Variants in MYO9A observed in about 807,000 individuals in gnomAD.
MYO9A encodes myosin IXA.
In MYO9A, 103 loss-of-function variants were observed where a neutral mutation model predicts 293.3. That is an observed-to-expected ratio of 0.35 (90% CI 0.30 to 0.41). The LOEUF is 0.41. MYO9A is among the 10% of genes least tolerant of loss of function. The pLI is 1.00. For missense variants in MYO9A, 2,685 were observed against 3,033.0 expected, an observed-to-expected ratio of 0.89 and a Z score of 2.69; for synonymous variants, 1,001 against 1,035.7, an observed-to-expected ratio of 0.97 and a Z score of 0.64.
At position 71,826,734 on chromosome 15, in the gene MYO9A, C is replaced by T. The variant is rs776271388; in HGVS notation, c.7493G>A (p.Gly2498Asp). 2.5e-6 allele frequency: 4 copies of T among 1,614,054 alleles called. No individual in the cohort carries two copies. The highest frequency in any genetic ancestry group is 3.4e-6 in the Non-Finnish European group (4 of 1,179,972). Residue 2498 changes from glycine (G) to aspartate (D), a missense_variant, in exon 42 of 42, where the codon GGC becomes GAC. This residue lies in a region of MYO9A where 350 missense variants were observed against 328.9 expected (regional missense o/e 1.06). Transcript: ENST00000356056. ...TTTCACATTCTTTAATTTTTGTTTG[C>T]CCTTTTCCGGGTTGAAGGTTCCTCT... ...ISRGTFNPEKGKQKLKNVKNS... is the reference protein window; with the variant it reads ...ISRGTFNPEKDKQKLKNVKNS...
intron 40 of MYO9A, among the ~76,000 whole-genome samples, chr15:71,829,650 C>G (rs1250772438): frequency 6.6e-6 from 1 of 151,954 alleles, no homozygotes; most frequent in Admixed American, 6.6e-5. Flanking sequence ...AACCTTCCTT[C>G]ATGGATTTGT....
rs375705465 is a variant in MYO9A, at chr15:72,011,956, T to C, written c.1156-1509A>G. Among the ~76,000 whole-genome samples, 37 of 152,356 alleles carry C rather than the reference T, an allele frequency of 2.4e-4. 1 individual carries two copies. Among genetic ancestry groups the C allele is most frequent in the Admixed American group, 1.0e-3 (16 of 15,302 alleles). ...ATAGTCATTGAATTATTGAATAATA[T>C]ATAAATATTGAATTGAATGAAACAT... On this transcript the variant is annotated intron_variant, in intron 6 of 41. Transcript: ENST00000356056.
intron 1 of MYO9A, among the ~76,000 whole-genome samples, chr15:72,092,515 T>A (rs1294582168): frequency 6.6e-6 from 1 of 152,152 alleles, no homozygotes; most frequent in Admixed American, 6.5e-5. Context: ...GGTTTAAGAC[T>A]GCAGTAAGCT....
intron 39 of MYO9A, among the ~76,000 whole-genome samples, chr15:71,832,536 G>A (rs1029587855): frequency 1.3e-5 from 2 of 152,100 alleles, no homozygotes; most frequent in Non-Finnish European, 2.9e-5. Context: ...ATGGAATGCA[G>A]AAAACAATGG....
At chr15:71,988,136 T>C (rs994358743) in intron 11 of MYO9A, among the ~76,000 whole-genome samples, 3 of 152,218 alleles carry the variant, frequency 2.0e-5, no homozygotes, top group African/African-American at 7.2e-5. Flanking sequence ...TGTTTAATGA[T>C]CCACAGAGCA....
chr15:72,091,863 C>T (rs371454546), intron 1 of MYO9A, among the ~76,000 whole-genome samples: 19 of 151,984 alleles, frequency 1.3e-4, no homozygotes, highest in South Asian at 2.1e-4. Flanking sequence ...TACAGGTGCC[C>T]GCCACCACGC....
intron 6 of MYO9A, among the ~76,000 whole-genome samples, chr15:72,014,060 G>A (rs1265086376): frequency 1.3e-5 from 2 of 152,176 alleles, no homozygotes; most frequent in Non-Finnish European, 1.5e-5. Flanking sequence ...GCCTAGCTCA[G>A]CCTTGCAAAG....
chr15:71,980,707 A>T (rs2076250298), intron 11 of MYO9A, among the ~76,000 whole-genome samples: 1 of 152,070 alleles, frequency 6.6e-6, no homozygotes, highest in Non-Finnish European at 1.5e-5. Context: ...GCATGGTGGT[A>T]TGCACCTGTA....
intron 18 of MYO9A, among the ~76,000 whole-genome samples, chr15:71,928,048 ATATATATATTTTTTTTTTTTTTTTT>A (rs2058368022): frequency 9.9e-5 from 1 of 10,146 alleles, no homozygotes; most frequent in Non-Finnish European, 5.1e-4. Context: ...ATATATATAT[ATATATATATTTTTTTTTTTTTTTTT>A]TTTTTTTTTT....
intron 19 of MYO9A, among the ~76,000 whole-genome samples, chr15:71,906,181 C>T (rs2057633531): frequency 6.6e-6 from 1 of 152,082 alleles, no homozygotes; most frequent in Non-Finnish European, 1.5e-5. Flanking sequence ...ATTATAAATA[C>T]AACATTTTGT....
At chr15:71,978,058 T>A in intron 12 of MYO9A, 113 bp downstream of exon 12, 1 of 1,209,388 alleles carries the variant, frequency 8.3e-7, no homozygotes, top group Non-Finnish European at 1.2e-6. Flanking sequence ...AAAAAATAAA[T>A]TGTACAAAAA....
chr15:71,935,185 C>T (rs543462580), intron 17 of MYO9A, 156 bp downstream of exon 17: 6 of 765,134 alleles, frequency 7.8e-6, no homozygotes, highest in East Asian at 2.8e-5. Context: ...TGGCTGTAAA[C>T]GCTACCTAAA....
chr15:72,081,556 GCT>G (rs1950378654), intron 1 of MYO9A, among the ~76,000 whole-genome samples: 1 of 152,020 alleles, frequency 6.6e-6, no homozygotes, highest in African/African-American at 2.4e-5. Context: ...GTCACTCTAA[GCT>G]CTTTGTCAAT....
intron 8 of MYO9A, among the ~76,000 whole-genome samples, chr15:72,001,553 C>CAAAAAAA (rs199812533): frequency 1.1e-4 from 11 of 102,466 alleles, no homozygotes; most frequent in East Asian, 2.8e-4. Context: ...GACTCCATCT[C>CAAAAAAA]AAAAAAAAAA....
At chr15:71,978,725 A>G (rs2076202415) in intron 11 of MYO9A, among the ~76,000 whole-genome samples, 1 of 152,134 alleles carries the variant, frequency 6.6e-6, no homozygotes, top group South Asian at 2.1e-4. Context: ...ACCCTCCAGT[A>G]ATTATATGGA....
At chr15:71,891,248 G>C (rs1278927279) in intron 26 of MYO9A, 1 of 152,166 alleles carries the variant, frequency 6.6e-6, no homozygotes, top group East Asian at 1.9e-4. Flanking sequence ...TACAACTACT[G>C]GCATGCAGTG....
At chr15:71,953,996 A>C (rs1043245517) in intron 14 of MYO9A, among the ~76,000 whole-genome samples, 1 of 150,398 alleles carries the variant, frequency 6.6e-6, no homozygotes, top group African/African-American at 2.5e-5. Flanking sequence ...CCCGGGTTCA[A>C]GCGATTCTCC....
At chr15:72,014,414 G>A (rs1291038074) in intron 6 of MYO9A, among the ~76,000 whole-genome samples, 7 of 152,296 alleles carry the variant, frequency 4.6e-5, no homozygotes, top group South Asian at 2.1e-4. Flanking sequence ...GGCCAGGCAC[G>A]GTGGCTCATG....
chr15:71,910,130 G>GTA (rs1209943568), intron 19 of MYO9A, among the ~76,000 whole-genome samples: 43 of 133,326 alleles, frequency 3.2e-4, no homozygotes, highest in Admixed American at 7.1e-4. Context: ...ATATACACGT[G>GTA]TATATATATA....
Sources: allele counts gnomAD v4.1 joint callset (sites outside exome capture counted in the v4.1 genomes callset), GRCh38; gene constraint gnomAD v4.1.1; regional missense constraint gnomAD v4.1.1; transcripts MANE v1.5; gene names NCBI Gene and HGNC (gene_info 2026-07-23, HGNC 2026-07-21).